The following MCC variants were observed in gnomAD, a reference collection of about 807,000 sequenced individuals.
MCC encodes the protein colorectal mutant cancer protein.
A neutral mutation model predicts 116.2 loss-of-function variants in MCC; 90 were observed. The ratio of observed to expected loss-of-function variants is 0.77; its 90% confidence interval spans 0.65 to 0.92. The LOEUF (loss-of-function observed/expected upper bound fraction) is 0.92. Among genes scored for constraint, MCC ranks in the 40% least tolerant of loss-of-function variants. MCC has a pLI of 0.00. For missense variants in MCC, 1,516 were observed against 1,312.2 expected (o/e 1.16, Z -2.40); for synonymous variants, 578 against 510.5 (o/e 1.13, Z -1.78).
At chr5:113,097,293 T>C (rs1380990378) in intron 8 of MCC, among the ~76,000 whole-genome samples, 1 of 152,224 alleles carries the variant, frequency 6.6e-6, no homozygotes, top group Non-Finnish European at 1.5e-5. Flanking sequence ...CCTGTTAATA[T>C]TTTAGCATAT....
At chr5:113,188,994 A>C (rs1040396560) in intron 3 of MCC, among the ~76,000 whole-genome samples, 2 of 152,254 alleles carry the variant, frequency 1.3e-5, no homozygotes, top group Non-Finnish European at 2.9e-5. Flanking sequence ...TGTGAGACAC[A>C]GCTGACCTTG....
chr5:113,471,657 C>G (rs1772094574), intron 1 of MCC, among the ~76,000 whole-genome samples: 1 of 151,984 alleles, frequency 6.6e-6, no homozygotes, highest in Non-Finnish European at 1.5e-5. Context: ...TCTCAGATCT[C>G]AAGCTGCATG....
At chr5:113,248,946 T>C (rs522105) in intron 3 of MCC, among the ~76,000 whole-genome samples, 81,823 of 151,300 alleles carry the variant, frequency 0.54, 25,804 homozygotes, top group African/African-American at 0.88. Context: ...TGGGTTCAAG[T>C]GATTTTCCTG....
intron 3 of MCC, among the ~76,000 whole-genome samples, chr5:113,264,923 TC>T (rs941823530): frequency 1.7e-4 from 26 of 152,204 alleles, no homozygotes; most frequent in African/African-American, 6.0e-4. Flanking sequence ...ATGCCTGTAG[TC>T]CCAGCTACTT....
At chr5:113,319,661 T>C (rs1235116149) in intron 3 of MCC, among the ~76,000 whole-genome samples, 1 of 152,206 alleles carries the variant, frequency 6.6e-6, no homozygotes, top group African/African-American at 2.4e-5. Flanking sequence ...AAATTTTATA[T>C]ATAACAAATA....
chr5:113,054,282 C>T (rs1752671237), intron 14 of MCC, among the ~76,000 whole-genome samples: 1 of 152,068 alleles, frequency 6.6e-6, no homozygotes, highest in African/African-American at 2.4e-5. Context: ...ATTTATCACA[C>T]CTATCAAAAG....
rs983730254 is a variant in MCC at position 113,063,896 on chromosome 5, C to A, written c.2213+88G>T. 10 of 1,417,068 alleles carry A rather than the reference C, an allele frequency of 7.1e-6. No homozygotes were observed. The East Asian group carries it at 2.4e-4, about 34-fold the overall frequency. 87.8% of individuals were successfully genotyped at this position (1,417,068 alleles called of 1,614,324 possible). A position where few individuals can be genotyped will look rare whatever the true frequency, so the allele number is the denominator to read the frequency against. On this transcript the variant is annotated intron_variant, in intron 14 of 18. Transcript: ENST00000408903. ...CTGCCTTTTCCCAAGCCACACAGTC[C>A]CCAAGAGCTGGGTCACTGCACACCA...
chr5:113,106,575 C>G (rs10037489), intron 6 of MCC, among the ~76,000 whole-genome samples: 37,855 of 151,892 alleles, frequency 0.25, 4,892 homozygotes, highest in South Asian at 0.29. Flanking sequence ...GGGTCTTGCT[C>G]TGTTGCATAG....
At chr5:113,477,666 G>C (rs1306961875) in intron 1 of MCC, among the ~76,000 whole-genome samples, 1 of 152,182 alleles carries the variant, frequency 6.6e-6, no homozygotes, top group Non-Finnish European at 1.5e-5. Flanking sequence ...TTGTGGTGCA[G>C]AGGGAAGAGG....
intron 8 of MCC, among the ~76,000 whole-genome samples, chr5:113,099,962 G>C (rs1756292747): frequency 6.6e-6 from 1 of 152,202 alleles, no homozygotes; most frequent in African/African-American, 2.4e-5. Context: ...TCATCGGGGA[G>C]TGTAACCCAG....
Position 113,449,025 on chromosome 5 carries a change from T to C in MCC, c.170+39220A>G, listed in dbSNP as rs145373827. The stretch of plus-strand genomic sequence containing the variant: ...TGGATGCTCCAATTTACTATTAACC[T>C]TCAGTCAGTCATCAGTGTCTGCCCA... On this transcript the variant is annotated intron_variant, in intron 1 of 18. Coordinates refer to ENST00000408903, the MANE Select transcript of MCC (RefSeq NM_001085377.2). Among the ~76,000 whole-genome samples, 166 of 152,358 alleles carry C rather than the reference T, an allele frequency of 1.1e-3. 1 individual carries two copies. The highest frequency in any genetic ancestry group is 1.9e-3 in the Non-Finnish European group (127 of 68,040).
chr5:113,143,415 G>T, intron 4 of MCC, 55 bp from the exon 5 acceptor site: 2 of 1,579,922 alleles, frequency 1.3e-6, no homozygotes, highest in Non-Finnish European at 1.7e-6. Context: ...CCTACAGGTG[G>T]ATGATTCCAA....
intron 1 of MCC, among the ~76,000 whole-genome samples, chr5:113,442,877 T>C (rs1406780844): frequency 4.6e-5 from 7 of 152,228 alleles, no homozygotes; most frequent in African/African-American, 1.7e-4. Context: ...TTGGTACCAG[T>C]ACCATGCTGT....
At chr5:113,067,899 A>G (rs1561774682) in intron 13 of MCC, among the ~76,000 whole-genome samples, 181 bp downstream of exon 13, 1 of 152,222 alleles carries the variant, frequency 6.6e-6, no homozygotes, top group Non-Finnish European at 1.5e-5. Context: ...TTTCCACTCC[A>G]GTTCTTGCTG....
intron 3 of MCC, among the ~76,000 whole-genome samples, chr5:113,320,224 A>G (rs1225548785): frequency 6.6e-6 from 1 of 152,028 alleles, no homozygotes; most frequent in African/African-American, 2.4e-5. Context: ...CCCAGAAAAA[A>G]CCCACATTCA....
intron 13 of MCC, among the ~76,000 whole-genome samples, chr5:113,067,243 G>A (rs1220343609): frequency 2.6e-5 from 4 of 152,214 alleles, no homozygotes; most frequent in Admixed American, 6.5e-5. Flanking sequence ...GACAGGCACA[G>A]GAAAGCGAGG....
At chr5:113,190,305 A>C (rs1003523451) in intron 3 of MCC, among the ~76,000 whole-genome samples, 1 of 152,204 alleles carries the variant, frequency 6.6e-6, no homozygotes, top group Non-Finnish European at 1.5e-5. Context: ...AGGAACTAAA[A>C]GGTCTACCGG....
intron 3 of MCC, among the ~76,000 whole-genome samples, chr5:113,280,703 GGGA>G (rs1040235647): frequency 3.3e-5 from 5 of 152,182 alleles, no homozygotes; most frequent in African/African-American, 1.2e-4. Flanking sequence ...GAGGGCAGGA[GGGA>G]GGAGGAGGAA....
At chr5:113,174,056 G>C (rs966513458) in intron 3 of MCC, among the ~76,000 whole-genome samples, 1 of 152,182 alleles carries the variant, frequency 6.6e-6, no homozygotes, top group African/African-American at 2.4e-5. Context: ...TCATGCTTGA[G>C]AACTACAGAA....
Sources: gnomAD v4.1 joint callset for allele counts (sites outside exome capture counted in the v4.1 genomes callset) on GRCh38, gnomAD v4.1.1 for gene constraint, MANE v1.5 for transcripts, NCBI Gene and HGNC (gene_info 2026-07-23, HGNC 2026-07-21) for gene names.